SUFU: variants seen among roughly 807,000 people sequenced by gnomAD.
SUFU encodes SUFU negative regulator of hedgehog signaling.
Under a neutral mutation model 58.9 loss-of-function variants are expected in SUFU, and 7 were observed. The ratio of observed to expected loss-of-function variants is 0.12; its 90% CI spans 0.07 to 0.22. SUFU has a LOEUF of 0.22. Ranked by LOEUF, SUFU falls within the 10% of genes least tolerant of loss-of-function variation. The pLI is 1.00. For synonymous variants in SUFU, 232 were observed against 254.8 expected, an observed-to-expected ratio of 0.91 and a Z score of 0.85; for missense variants, 451 against 641.3, an observed-to-expected ratio of 0.70 and a Z score of 3.20.
At position 102,593,643 on chromosome 10, in the gene SUFU, G is replaced by T. The variant is rs1215780897; in HGVS notation, c.605G>T (p.Gly202Val). ...TTCTATCCTGGGCCTCAGATCGTTG[G>T]TGTCTGCACTGAAGAGCTACACTCA... Reference protein sequence around the residue: ...FGVVTFLQIVGVCTEELHSAQ... With the variant: ...FGVVTFLQIVVVCTEELHSAQ... Residue 202 changes from glycine (G) to valine (V), a missense_variant, in exon 5 of 12, where the codon GGT becomes GTT. Physicochemically the swap from Gly to Val is moderately radical, Grantham distance 109. Coordinates refer to ENST00000369902, the MANE Select transcript of SUFU (RefSeq NM_016169.4). The T allele has an allele frequency of 6.2e-7, 1 of 1,614,188 alleles. No individual in the cohort carries two copies. The highest frequency in any genetic ancestry group is 8.5e-7 in the Non-Finnish European group (1 of 1,180,028).
intron 3 of SUFU, among the ~76,000 whole-genome samples, chr10:102,557,289 A>G (rs917319138): frequency 6.6e-6 from 1 of 151,796 alleles, no homozygotes; most frequent in Non-Finnish European, 1.5e-5. Context: ...ACCTTAAACA[A>G]TAACAGGGCC....
At chr10:102,541,557 C>T (rs2062799729) in intron 2 of SUFU, among the ~76,000 whole-genome samples, 1 of 151,796 alleles carries the variant, frequency 6.6e-6, no homozygotes, top group African/African-American at 2.4e-5. Context: ...TGCCACCACG[C>T]CTGGCAAATT....
rs1017387734 is a variant in SUFU at position 102,625,814 on chromosome 10, C to A, written c.1297-1361C>A. Among the ~76,000 whole-genome samples, 2 of 152,198 alleles carry A rather than the reference C, an allele frequency of 1.3e-5. No homozygotes were observed. The highest frequency in any genetic ancestry group is 2.4e-5 in the African/African-American group (1 of 41,438). On this transcript the variant is annotated intron_variant, in intron 10 of 11. Coordinates refer to ENST00000369902, the MANE Select transcript of SUFU (RefSeq NM_016169.4). The surrounding 1 kb of genome is among the most constrained non-coding windows in gnomAD (Gnocchi z 4.7). ...CCCCGTCCACTTCTTGCTTTAGAGACCTCCGTCCTGTGAGCTCCCGAGCCG... is the reference window on the plus strand; with the variant it reads ...CCCCGTCCACTTCTTGCTTTAGAGAACTCCGTCCTGTGAGCTCCCGAGCCG...
At chr10:102,605,949 G>A (rs970669685) in intron 8 of SUFU, among the ~76,000 whole-genome samples, 4 of 152,206 alleles carry the variant, frequency 2.6e-5, no homozygotes. Context: ...CACAGGACTG[G>A]GATTGTGGCT....
Position 102,631,408 on chromosome 10 carries a change from G to A in SUFU, c.*1253G>A, listed in dbSNP as rs1002315220. 1 of 233,300 alleles carries A rather than the reference G, an allele frequency of 4.3e-6. No homozygotes were observed. The highest frequency in any genetic ancestry group is 2.2e-5 in the African/African-American group (1 of 45,280). The allele number at this position is 233,300 out of a possible 1,614,324, so 14.5% of individuals were successfully genotyped here. A position where few individuals can be genotyped will look rare whatever the true frequency, so the allele number is the denominator to read the frequency against. On this transcript the variant is annotated 3_prime_UTR_variant, in exon 12 of 12. Transcript: ENST00000369902. ...AGATCTCACAGTTTGCCTTCCAGAA[G>A]CCAGCCTATCTCTAGCCCATGGTTT...
intron 3 of SUFU, among the ~76,000 whole-genome samples, chr10:102,568,684 G>A (rs1259434445): frequency 6.6e-6 from 1 of 151,266 alleles, no homozygotes; most frequent in African/African-American, 2.4e-5. Flanking sequence ...GACCAGCTTG[G>A]CCAATGTGAT....
chr10:102,626,124 G>A (rs1301811528), intron 10 of SUFU, among the ~76,000 whole-genome samples: 1 of 152,142 alleles, frequency 6.6e-6, no homozygotes, highest in Admixed American at 6.5e-5. Flanking sequence ...GTGGAGGGAG[G>A]CTGGGAGGCC....
intron 2 of SUFU, among the ~76,000 whole-genome samples, chr10:102,526,085 G>C (rs1466272027): frequency 6.6e-6 from 1 of 151,818 alleles, no homozygotes; most frequent in Admixed American, 6.6e-5. Flanking sequence ...ACTAAGTTCA[G>C]CATCAATATG....
At chr10:102,567,977 G>A (rs886542956) in intron 3 of SUFU, among the ~76,000 whole-genome samples, 1 of 152,126 alleles carries the variant, frequency 6.6e-6, no homozygotes, top group Admixed American at 6.5e-5. Flanking sequence ...ATTGAGTACC[G>A]TGGTGATCTG....
chr10:102,625,358 A>G lies in SUFU; in HGVS notation c.1297-1817A>G, dbSNP rs543347569. On this transcript the variant is annotated intron_variant, in intron 10 of 11. Transcript: ENST00000369902. This position sits in a 1 kb window ranked among gnomAD's most constrained non-coding sequence, Gnocchi z 4.7. The stretch of plus-strand genomic sequence containing the variant: ...GTCCTTGGTCGGGGCCCTAGCTCCT[A>G]GAACAGAGAGTTTGGTGAGGAGACG... Among the ~76,000 whole-genome samples, 2 of 152,314 alleles carry G rather than the reference A, an allele frequency of 1.3e-5. No individual in the cohort carries two copies. The highest frequency in any genetic ancestry group is 4.8e-5 in the African/African-American group (2 of 41,560).
chr10:102,585,888 CT>C (rs34024871), intron 3 of SUFU, among the ~76,000 whole-genome samples: 33,964 of 134,826 alleles, frequency 0.25, 4,172 homozygotes, highest in Non-Finnish European at 0.3. Context: ...ATTTGTATAT[CT>C]TTTTTTTTTT....
chr10:102,538,714 G>A (rs1564671498), intron 2 of SUFU, among the ~76,000 whole-genome samples: 1 of 152,058 alleles, frequency 6.6e-6, no homozygotes, highest in South Asian at 2.1e-4. Context: ...GTGAACCTAC[G>A]TTGACACATC....
rs1293012212 is a variant in SUFU, at chr10:102,619,423, C to T, written c.1296+1995C>T. 3.2e-5 allele frequency: 43 copies of T among 1,337,952 alleles called. No homozygotes were observed. Among genetic ancestry groups the T allele is most frequent in the African/African-American group, 4.4e-5 (3 of 68,268 alleles). 82.9% of individuals were successfully genotyped at this position (1,337,952 alleles called of 1,614,324 possible). On this transcript the variant is annotated intron_variant, in intron 10 of 11. Transcript: ENST00000369902. This position sits in a 1 kb window ranked among gnomAD's most constrained non-coding sequence, Gnocchi z 4.2. ...CGCGGTGGGAACGAGCTGCTGGCCT[C>T]GGCATGTTTCAATAAAGTTGCTGTG...
intron 8 of SUFU, among the ~76,000 whole-genome samples, chr10:102,605,823 C>T (rs1359533467): frequency 2.6e-5 from 4 of 152,206 alleles, no homozygotes; most frequent in African/African-American, 9.6e-5. Context: ...CTGGGCTCAG[C>T]AGGCCAAATC....
rs1285828158 is a variant in SUFU at position 102,504,042 on chromosome 10, G to A, written c.-111G>A. ...AGGCGCGGAGCTAGACCTCGCTGCA[G>A]CCCCCATCGCCTCGGGGAGTCTCAC... On this transcript the variant is annotated 5_prime_UTR_variant, in exon 1 of 12. Coordinates refer to ENST00000369902, the MANE Select transcript of SUFU (RefSeq NM_016169.4). The A allele has an allele frequency of 1.4e-5, 20 of 1,387,140 alleles. No homozygotes were observed. The highest frequency in any genetic ancestry group is 7.3e-5 in the African/African-American group (5 of 68,152). 85.9% of individuals were successfully genotyped at this position (1,387,140 alleles called of 1,614,324 possible). A position where few individuals can be genotyped will look rare whatever the true frequency, so the allele number is the denominator to read the frequency against.
chr10:102,604,772 G>A (rs1158211058), intron 8 of SUFU, among the ~76,000 whole-genome samples: 2 of 152,078 alleles, frequency 1.3e-5, no homozygotes, highest in Non-Finnish European at 2.9e-5. Context: ...GGCCCCTGGT[G>A]CCCAGAGGAG....
chr10:102,574,914 G>T (rs1241201023), intron 3 of SUFU, among the ~76,000 whole-genome samples: 1 of 152,028 alleles, frequency 6.6e-6, no homozygotes, highest in Non-Finnish European at 1.5e-5. Context: ...AAATTAGCCC[G>T]GCATGGTGGC....
intron 3 of SUFU, among the ~76,000 whole-genome samples, chr10:102,552,591 A>G (rs919106250): frequency 5.3e-5 from 8 of 152,250 alleles, no homozygotes; most frequent in African/African-American, 1.9e-4. Flanking sequence ...TCATTTTTTA[A>G]GGACAATTGG....
chr10:102,616,901 C>T (rs1341347168), intron 9 of SUFU, among the ~76,000 whole-genome samples: 1 of 152,218 alleles, frequency 6.6e-6, no homozygotes, highest in Non-Finnish European at 1.5e-5. Context: ...GCTACTTCAC[C>T]TCCGTCCCCT....
Sources: allele counts gnomAD v4.1 joint callset (sites outside exome capture counted in the v4.1 genomes callset), GRCh38; gene constraint gnomAD v4.1.1; non-coding constraint Gnocchi (gnomAD v3.1); transcripts MANE v1.5; gene names NCBI Gene and HGNC (gene_info 2026-07-23, HGNC 2026-07-21).